RHOJ: variants seen among roughly 807,000 people sequenced by gnomAD.
The protein encoded by RHOJ is rho-related GTP-binding protein RhoJ.
Under a neutral mutation model 23.4 loss-of-function variants are expected in RHOJ, and 11 were observed. That is an observed-to-expected ratio of 0.47 (90% CI 0.30 to 0.78). The LOEUF is 0.78. RHOJ is among the 30% of genes least tolerant of loss of function. The probability of loss-of-function intolerance (pLI) is 0.08; values close to 1 mark genes in which losing one functional copy is unlikely to be tolerated. For synonymous variants in RHOJ, 102 were observed against 102.7 expected, an observed-to-expected ratio of 0.99 and a Z score of 0.04; for missense variants, 254 against 273.4, an observed-to-expected ratio of 0.93 and a Z score of 0.50.
Position 63,268,881 on chromosome 14 carries a change from T to A in RHOJ, c.179-229T>A, listed in dbSNP as rs552396837. 5.3e-5 allele frequency among the ~76,000 whole-genome samples: 8 copies of A among 152,312 alleles called. No individual in the cohort carries two copies. In the South Asian group the frequency reaches 1.4e-3, roughly 28 times the overall value. ...GTCCTGGTGGCACCAATAATATCCA[T>A]CTCTTTTGAGAAATTTGGACTTGGC... is the stretch of plus-strand genomic sequence containing the variant. On this transcript the variant is annotated intron_variant, in intron 1 of 4. Coordinates refer to ENST00000316754, the MANE Select transcript of RHOJ (RefSeq NM_020663.5).
chr14:63,288,459 C>A, intron 4 of RHOJ: 1 of 394,864 alleles, frequency 2.5e-6, no homozygotes, highest in Non-Finnish European at 3.4e-6. Flanking sequence ...CACCACGTTA[C>A]AGTCAAGTCA....
intron 1 of RHOJ, among the ~76,000 whole-genome samples, chr14:63,240,266 C>A (rs17824437): frequency 0.034 from 5,221 of 152,196 alleles, 135 homozygotes; most frequent in East Asian, 0.084. Context: ...GTTGTATCTA[C>A]AAGAAAGAGA....
chr14:63,274,421 A>G (rs923094019), intron 2 of RHOJ, among the ~76,000 whole-genome samples: 8 of 152,184 alleles, frequency 5.3e-5, no homozygotes, highest in Admixed American at 4.6e-4. Context: ...CTTCTCCCCA[A>G]ATTATGAAAA....
intron 1 of RHOJ, among the ~76,000 whole-genome samples, chr14:63,219,802 G>A (rs561864884): frequency 1.1e-4 from 15 of 135,750 alleles, no homozygotes; most frequent in South Asian, 1.1e-3. Flanking sequence ...GTGACAGAGC[G>A]AGATTGCATC....
chr14:63,247,534 CT>C (rs539378587), intron 1 of RHOJ, among the ~76,000 whole-genome samples: 49 of 152,072 alleles, frequency 3.2e-4, no homozygotes, highest in Non-Finnish European at 6.5e-4. Context: ...ATTGTAAATT[CT>C]CTTGGAAGAG....
Position 63,291,137 on chromosome 14 carries a change from G to T in RHOJ, c.*113G>T, listed in dbSNP as rs763706408. ...GACCAGAAAGGAACTCCCTTTGCAC[G>T]GAGGCTTGCCCCATCACCCTCTGAG... On this transcript the variant is annotated 3_prime_UTR_variant, in exon 5 of 5. Transcript: ENST00000316754. 2.3e-5 allele frequency: 29 copies of T among 1,262,560 alleles called. No individual in the cohort carries two copies. Among genetic ancestry groups the T allele is most frequent in the African/African-American group, 4.4e-5 (3 of 67,966 alleles). The allele number at this position is 1,262,560 out of a possible 1,614,324, so 78.2% of individuals were successfully genotyped here. A position where few individuals can be genotyped will look rare whatever the true frequency, so the allele number is the denominator to read the frequency against.
chr14:63,271,411 G>A (rs116483048), intron 2 of RHOJ, among the ~76,000 whole-genome samples: 457 of 152,190 alleles, frequency 3.0e-3, no homozygotes, highest in African/African-American at 0.01. Context: ...CTAAATAATG[G>A]GAATGTGTTA....
intron 4 of RHOJ, among the ~76,000 whole-genome samples, chr14:63,286,293 AAACACAGT>A (rs1228759658): frequency 6.6e-6 from 1 of 152,234 alleles, no homozygotes; most frequent in Non-Finnish European, 1.5e-5. Flanking sequence ...CCACCTGGAT[AAACACAGT>A]AACACACATC....
At chr14:63,228,822 T>C (rs952025099) in intron 1 of RHOJ, among the ~76,000 whole-genome samples, 1 of 152,224 alleles carries the variant, frequency 6.6e-6, no homozygotes, top group Admixed American at 6.5e-5. Context: ...AACTCATGAA[T>C]GTTATTATGC....
chr14:63,232,045 G>T (rs2139748053), intron 1 of RHOJ, among the ~76,000 whole-genome samples: 1 of 152,304 alleles, frequency 6.6e-6, no homozygotes, highest in East Asian at 1.9e-4. Context: ...CATGACAGTT[G>T]AGTGCTTAGG....
rs114636703 is a variant in RHOJ, at chr14:63,253,199, C to T, written c.179-15911C>T. ...GTCCTGAGCCTAAGGCTGTCATTTG[C>T]ACATGCCAACTCCTAGTTCCTCCAT... is the stretch of plus-strand genomic sequence containing the variant. On this transcript the variant is annotated intron_variant, in intron 1 of 4. Coordinates refer to ENST00000316754, the MANE Select transcript of RHOJ (RefSeq NM_020663.5). Among the ~76,000 whole-genome samples the T allele has an allele frequency of 2.1e-3, 319 of 152,290 alleles. 1 individual carries two copies. Among genetic ancestry groups the T allele is most frequent in the African/African-American group, 7.1e-3 (295 of 41,566 alleles).
intron 1 of RHOJ, among the ~76,000 whole-genome samples, chr14:63,238,579 G>C (rs8009790): frequency 0.035 from 5,332 of 152,154 alleles, 183 homozygotes; most frequent in African/African-American, 0.085. Context: ...ACAACACCAT[G>C]CCCGGATAAT....
At chr14:63,277,583 C>T (rs146383331) in intron 2 of RHOJ, among the ~76,000 whole-genome samples, 4 of 152,184 alleles carry the variant, frequency 2.6e-5, no homozygotes, top group Admixed American at 1.3e-4. Flanking sequence ...AGAAGTGCCA[C>T]GTGTTCATTT....
intron 1 of RHOJ, among the ~76,000 whole-genome samples, chr14:63,264,979 T>C (rs1039775603): frequency 6.6e-6 from 1 of 152,232 alleles, no homozygotes; most frequent in African/African-American, 2.4e-5. Flanking sequence ...ACTCTGTTGA[T>C]AGTTTGTTTT....
intron 4 of RHOJ, chr14:63,288,420 C>A: frequency 2.5e-6 from 2 of 804,616 alleles, no homozygotes; most frequent in Non-Finnish European, 3.0e-6. Context: ...GGTGCTACAG[C>A]AGTTTCTAGG....
At chr14:63,205,084 A>G (rs1468061338) in intron 1 of RHOJ, 37 bp downstream of exon 1, 11 of 1,592,710 alleles carry the variant, frequency 6.9e-6, no homozygotes, top group Non-Finnish European at 9.4e-6. Context: ...ATCCAGACAA[A>G]CGATGCAGGG....
chr14:63,246,765 A>T (rs1459808416), intron 1 of RHOJ, among the ~76,000 whole-genome samples: 1 of 152,178 alleles, frequency 6.6e-6, no homozygotes, highest in Admixed American at 6.6e-5. Context: ...TATTTATAAG[A>T]AGTCAGCTTT....
intron 1 of RHOJ, among the ~76,000 whole-genome samples, chr14:63,264,044 C>T (rs1265278573): frequency 6.6e-6 from 1 of 151,756 alleles, no homozygotes; most frequent in African/African-American, 2.4e-5. Context: ...TAGGTTTGTT[C>T]CATGGGTATC....
chr14:63,232,696 T>G (rs1343951867), intron 1 of RHOJ, among the ~76,000 whole-genome samples: 5 of 128,220 alleles, frequency 3.9e-5, no homozygotes, highest in Admixed American at 3.8e-4. Context: ...TTTCTTGCCT[T>G]TTTTTTTTTT....
Sources: allele counts gnomAD v4.1 joint callset (sites outside exome capture counted in the v4.1 genomes callset), GRCh38; gene constraint gnomAD v4.1.1; transcripts MANE v1.5; gene names NCBI Gene and HGNC (gene_info 2026-07-23, HGNC 2026-07-21).